The following DPH6 variants were observed in gnomAD, a reference collection of about 807,000 sequenced individuals.
DPH6 encodes diphthamine biosynthesis 6, also known as diphthine--ammonia ligase.
In DPH6, 33 loss-of-function variants were observed where a neutral mutation model predicts 38.2. The ratio of observed to expected loss-of-function variants is 0.86; its 90% CI spans 0.65 to 1.15. The LOEUF (loss-of-function observed/expected upper bound fraction) is 1.15, where lower values mean the gene tolerates loss of function less well. DPH6 is among the 50% of genes most tolerant of loss of function. DPH6 has a pLI of 0.00. For missense variants in DPH6, 325 were observed against 320.0 expected (o/e 1.02, Z -0.12); for synonymous variants, 108 against 103.0 (o/e 1.05, Z -0.30).
intron 3 of DPH6, among the ~76,000 whole-genome samples, chr15:35,471,903 A>G (rs1399710097): frequency 6.6e-6 from 1 of 152,310 alleles, no homozygotes; most frequent in South Asian, 2.1e-4. Context: ...CTTATCTTCA[A>G]TCAAAAAAAG....
At chr15:35,523,686 T>C (rs1423875878) in intron 3 of DPH6, among the ~76,000 whole-genome samples, 2 of 152,106 alleles carry the variant, frequency 1.3e-5, no homozygotes, top group Admixed American at 1.3e-4. Context: ...ATAAGCATAC[T>C]AAAATTGGAA....
In DPH6 at chr15:35,279,069, AT is replaced by A. The variant is rs1415036656; in HGVS notation, n.201-58488del. Among the ~76,000 whole-genome samples the A allele has an allele frequency of 7.4e-3, 438 of 58,970 alleles. 3 individuals carry two copies. The highest frequency in any genetic ancestry group is 0.028 in the African/African-American group (393 of 14,204). The allele number at this position is 58,970 out of a possible 152,430, so 38.7% of individuals were successfully genotyped here. On this transcript the variant is annotated intron_variant and non_coding_transcript_variant, in intron 3 of 3. Coordinates refer to the DPH6 transcript ENST00000560386. ...GTCTCAAAAAAAAAAAAAAAAAAAA[AT>A]ATATATATATATATAATTTTGGAGC...
intron 3 of DPH6, among the ~76,000 whole-genome samples, chr15:35,341,646 C>G (rs1201764316): frequency 6.6e-6 from 1 of 152,142 alleles, no homozygotes; most frequent in East Asian, 1.9e-4. Context: ...GCTGGGGGTC[C>G]ACTCCAGACT....
intron 7 of DPH6, among the ~76,000 whole-genome samples, chr15:35,378,413 G>A (rs763193032): frequency 9.2e-5 from 14 of 152,198 alleles, no homozygotes; most frequent in Non-Finnish European, 1.8e-4. Context: ...ATGGAAGACA[G>A]TGTGGCGATT....
At chr15:35,312,370 T>C (rs1256819980) in intron 3 of DPH6, among the ~76,000 whole-genome samples, 3 of 152,190 alleles carry the variant, frequency 2.0e-5, no homozygotes, top group African/African-American at 4.8e-5. Flanking sequence ...AGCTAGATTT[T>C]AGAAACCTCC....
chr15:35,192,592 T>C, the DPH6 span, among the ~76,000 whole-genome samples: 1 of 152,198 alleles, frequency 6.6e-6, no homozygotes. Context: ...CCATATAATT[T>C]GGGATTAAGC....
chr15:35,440,244 A>G (rs982555002), intron 5 of DPH6, among the ~76,000 whole-genome samples: 5 of 152,134 alleles, frequency 3.3e-5, no homozygotes, highest in African/African-American at 7.2e-5. Flanking sequence ...CCTTTTTGGG[A>G]AAATAAGACA....
intron 3 of DPH6, among the ~76,000 whole-genome samples, chr15:35,228,662 T>G (rs1472910307): frequency 6.6e-6 from 1 of 152,176 alleles, no homozygotes; most frequent in Admixed American, 6.5e-5. Context: ...TTTTATACCA[T>G]CAGATAATTT....
At chr15:35,311,279 T>C (rs1279956221) in intron 3 of DPH6, among the ~76,000 whole-genome samples, 1 of 152,130 alleles carries the variant, frequency 6.6e-6, no homozygotes, top group Non-Finnish European at 1.5e-5. Context: ...TTACAAGTAC[T>C]GAAAACAAAA....
intron 5 of DPH6, among the ~76,000 whole-genome samples, chr15:35,449,279 C>T (rs2053898809): frequency 6.6e-6 from 1 of 152,026 alleles, no homozygotes; most frequent in African/African-American, 2.4e-5. Flanking sequence ...GACAAATCAG[C>T]TCAGTTTTTA....
chr15:35,175,903 G>A, the DPH6 span, among the ~76,000 whole-genome samples: 2 of 152,188 alleles, frequency 1.3e-5, no homozygotes, highest in Non-Finnish European at 2.9e-5. Flanking sequence ...GGGTACTAGG[G>A]TACTGTTTAG....
chr15:35,243,635 C>A (rs1453404919), intron 3 of DPH6, among the ~76,000 whole-genome samples: 3 of 149,242 alleles, frequency 2.0e-5, no homozygotes, highest in African/African-American at 4.9e-5. Context: ...CACCTTGTGA[C>A]CCCTGCCCCT....
intron 2 of DPH6, among the ~76,000 whole-genome samples, chr15:35,540,054 T>C (rs2055229716): frequency 6.6e-6 from 1 of 152,084 alleles, no homozygotes; most frequent in Admixed American, 6.6e-5. Context: ...ATCAAACCAA[T>C]TTACTCAAAG....
chr15:35,254,949 C>T lies in DPH6; in HGVS notation n.201-34367G>A, dbSNP rs565076535. 3.3e-5 allele frequency among the ~76,000 whole-genome samples: 5 copies of T among 152,192 alleles called. No individual in the cohort carries two copies. In the South Asian group the frequency reaches 1.0e-3, roughly 32 times the overall value. On this transcript the variant is annotated intron_variant and non_coding_transcript_variant, in intron 3 of 3. Coordinates refer to the DPH6 transcript ENST00000560386. ...GGGGGAGACTACAAAGTACATTGAT[C>T]AGTTAGGGTGGGGCAGGAACAAATC...
intron 3 of DPH6, among the ~76,000 whole-genome samples, chr15:35,274,593 A>T (rs773797110): frequency 6.6e-6 from 1 of 152,200 alleles, no homozygotes; most frequent in Non-Finnish European, 1.5e-5. Flanking sequence ...ATATGAACAG[A>T]CACTTCTCAA....
intron 3 of DPH6, among the ~76,000 whole-genome samples, chr15:35,353,580 A>G (rs940868895): frequency 1.3e-5 from 2 of 152,192 alleles, no homozygotes; most frequent in African/African-American, 2.4e-5. Context: ...GTCAAAGATC[A>G]GATAGTTGTA....
At chr15:35,231,350 A>C (rs568299288) in intron 3 of DPH6, among the ~76,000 whole-genome samples, 2 of 152,198 alleles carry the variant, frequency 1.3e-5, no homozygotes, top group African/African-American at 2.4e-5. Context: ...GGGCACAGAA[A>C]TATTCTCTGC....
In DPH6 at chr15:35,402,233, T is replaced by C. The variant is rs1008433633; in HGVS notation, c.567+8602A>G. Among the ~76,000 whole-genome samples, 9 of 152,306 alleles carry C rather than the reference T, an allele frequency of 5.9e-5. No individual in the cohort carries two copies. The East Asian group carries it at 7.7e-4, about 13-fold the overall frequency. On this transcript the variant is annotated intron_variant, in intron 6 of 8. Coordinates refer to ENST00000256538, the MANE Select transcript of DPH6 (RefSeq NM_080650.4). ...GGAATTTATATACAACCTGCTTGTGTGGAGAAGCCATTGTCTTCAGAAACC... is the reference window on the plus strand; with the variant it reads ...GGAATTTATATACAACCTGCTTGTGCGGAGAAGCCATTGTCTTCAGAAACC...
At chr15:35,298,342 C>A in intron 3 of DPH6, 2 of 640,658 alleles carry the variant, frequency 3.1e-6, no homozygotes. Context: ...CCATTCGAGT[C>A]AATAACCGCT....
Sources: allele counts gnomAD v4.1 joint callset (sites outside exome capture counted in the v4.1 genomes callset), GRCh38; gene constraint gnomAD v4.1.1; transcripts MANE v1.5; gene names NCBI Gene and HGNC (gene_info 2026-07-23, HGNC 2026-07-21).